Variants in FARP1 observed in about 807,000 individuals in gnomAD.
FARP1 encodes FERM, ARHGEF and pleckstrin domain-containing protein 1.
Under a neutral mutation model 128.8 loss-of-function variants are expected in FARP1, and 52 were observed. The ratio of observed to expected loss-of-function variants is 0.40; its 90% CI spans 0.32 to 0.51. FARP1 has a LOEUF of 0.51. Among genes scored for constraint, FARP1 ranks in the 20% least tolerant of loss-of-function variants. The pLI is 0.45. For synonymous variants in FARP1, 580 were observed against 551.8 expected (o/e 1.05, Z -0.72); for missense variants, 1,333 against 1,367.9 (o/e 0.97, Z 0.40).
chr13:98,287,208 C>CTTTTTTTT lies in FARP1; in HGVS notation c.172-56521_172-56514dup, dbSNP rs71111939. ...TTTCCAAATTAACCATCAGACATGTCTTTTTTTTTTTTTTTTTTTTTTTTT... is the reference window on the plus strand; with the variant it reads ...TTTCCAAATTAACCATCAGACATGTCTTTTTTTTTTTTTTTTTTTTTTTTTTTTTTTTT... On this transcript the variant is annotated intron_variant, in intron 2 of 26. Transcript: ENST00000319562. Among the ~76,000 whole-genome samples the CTTTTTTTT allele has an allele frequency of 1.2e-3, 92 of 75,834 alleles. 9 individuals are homozygous for CTTTTTTTT. The highest frequency in any genetic ancestry group is 1.7e-3 in the Non-Finnish European group (73 of 42,106). 49.8% of individuals were successfully genotyped at this position (75,834 alleles called of 152,430 possible).
chr13:98,268,867 C>T (rs560313045), intron 2 of FARP1, among the ~76,000 whole-genome samples: 10 of 151,480 alleles, frequency 6.6e-5, no homozygotes, highest in African/African-American at 1.5e-4. Flanking sequence ...CCACCACGCT[C>T]GGCTAATTTT....
chr13:98,266,820 T>G (rs1178108291), intron 2 of FARP1, among the ~76,000 whole-genome samples: 1 of 152,012 alleles, frequency 6.6e-6, no homozygotes, highest in Non-Finnish European at 1.5e-5. Context: ...GAGACCAGCC[T>G]GGCCAACATA....
At position 98,365,572 on chromosome 13, in the gene FARP1, G is replaced by A. The variant is rs777580305; in HGVS notation, c.319+135G>A. The A allele has an allele frequency of 4.4e-5, 25 of 565,414 alleles. 1 individual carries two copies. Among genetic ancestry groups the A allele is most frequent in the Non-Finnish European group, 6.9e-5 (22 of 317,344 alleles). The allele number at this position is 565,414 out of a possible 1,614,324, so 35.0% of individuals were successfully genotyped here. A position where few individuals can be genotyped will look rare whatever the true frequency, so the allele number is the denominator to read the frequency against. On this transcript the variant is annotated intron_variant, in intron 4 of 26. Coordinates refer to ENST00000319562, the MANE Select transcript of FARP1 (RefSeq NM_005766.4). ...TACCCCATAATTGCTTTTCATCATCGACTAATCCGTGTACTATTAAAATGT... is the reference window on the plus strand; with the variant it reads ...TACCCCATAATTGCTTTTCATCATCAACTAATCCGTGTACTATTAAAATGT...
At chr13:98,184,861 T>C (rs573965679) in intron 1 of FARP1, among the ~76,000 whole-genome samples, 1 of 152,358 alleles carries the variant, frequency 6.6e-6, no homozygotes, top group South Asian at 2.1e-4. Context: ...ATACATAATT[T>C]TATTGACAAG....
intron 2 of FARP1, among the ~76,000 whole-genome samples, chr13:98,234,911 A>G (rs569680643): frequency 6.6e-6 from 1 of 152,340 alleles, no homozygotes; most frequent in East Asian, 1.9e-4. Flanking sequence ...TCTCTTAGAA[A>G]CACTGGATTT....
intron 2 of FARP1, among the ~76,000 whole-genome samples, chr13:98,293,931 G>T (rs654337): frequency 0.89 from 135,549 of 152,220 alleles, 60,477 homozygotes; most frequent in East Asian, 1. Flanking sequence ...AGATGTTTTT[G>T]GGATTGTAAG....
intron 1 of FARP1, among the ~76,000 whole-genome samples, chr13:98,151,660 C>CTTTTTTTTTTTTTTTTT (rs34250002): frequency 0.016 from 1,096 of 69,212 alleles, 304 homozygotes; most frequent in Non-Finnish European, 0.02. Flanking sequence ...TATCTTCCAT[C>CTTTTTTTTTTTTTTTTT]TTTTTTTTTT....
chr13:98,443,841 A>G (rs923714886), intron 24 of FARP1, among the ~76,000 whole-genome samples: 10 of 7,894 alleles, frequency 1.3e-3, no homozygotes, highest in African/African-American at 1.7e-3. Context: ...CGCAGACAGG[A>G]CTGGGAGGAG....
intron 2 of FARP1, among the ~76,000 whole-genome samples, chr13:98,282,674 G>A (rs2139630541): frequency 6.6e-6 from 1 of 152,304 alleles, no homozygotes; most frequent in South Asian, 2.1e-4. Context: ...AGAGGCCGAG[G>A]CAGGCGGATC....
intron 16 of FARP1, among the ~76,000 whole-genome samples, chr13:98,422,414 G>A (rs911655856): frequency 2.0e-5 from 3 of 152,178 alleles, no homozygotes; most frequent in Admixed American, 6.5e-5. Context: ...GAGGACTGAG[G>A]ATGCTGTGTT....
intron 2 of FARP1, among the ~76,000 whole-genome samples, chr13:98,277,148 A>ACACACACACACCC (rs372627844): frequency 8.7e-5 from 12 of 138,580 alleles, no homozygotes; most frequent in South Asian, 6.9e-4. Flanking sequence ...ACACACACAC[A>ACACACACACACCC]CCCCATATGT....
chr13:98,365,257 A>T lies in FARP1; in HGVS notation c.277-138A>T, dbSNP rs1889036443. On this transcript the variant is annotated intron_variant, in intron 3 of 26. Transcript: ENST00000319562. The stretch of plus-strand genomic sequence containing the variant: ...AGTGGTAGACAACGTAAGATACGGC[A>T]TTCTGGAGAAAAATGGAACAGGCGG... The T allele has an allele frequency of 3.0e-5, 19 of 623,822 alleles. No individual in the cohort carries two copies. In the South Asian group the frequency reaches 4.5e-4, roughly 15 times the overall value. 38.6% of individuals were successfully genotyped at this position (623,822 alleles called of 1,614,324 possible).
chr13:98,254,921 A>G (rs1883511629), intron 2 of FARP1, among the ~76,000 whole-genome samples: 1 of 151,494 alleles, frequency 6.6e-6, no homozygotes, highest in Non-Finnish European at 1.5e-5. Flanking sequence ...TATTTACTAC[A>G]AGATCCTTTT....
Position 98,237,910 on chromosome 13 carries a change from G to A in FARP1, c.171+24497G>A, listed in dbSNP as rs6491410. Among the ~76,000 whole-genome samples the A allele has an allele frequency of 3.3e-5, 5 of 152,050 alleles. No individual in the cohort carries two copies. The South Asian group carries it at 8.3e-4, about 25-fold the overall frequency. On this transcript the variant is annotated intron_variant, in intron 2 of 26. Transcript: ENST00000319562. ...GGTCTGAAAACCTTGTGCTTTTTGCGAAATGCTGTTTTATCTTGTATTGAA... is the reference window on the plus strand; with the variant it reads ...GGTCTGAAAACCTTGTGCTTTTTGCAAAATGCTGTTTTATCTTGTATTGAA...
intron 1 of FARP1, among the ~76,000 whole-genome samples, chr13:98,209,387 G>A (rs1419460100): frequency 6.6e-6 from 1 of 151,682 alleles, no homozygotes; most frequent in African/African-American, 2.4e-5. Flanking sequence ...AGTGAGCCAC[G>A]TGTGGAGACC....
At chr13:98,429,266 G>C (rs1780492168) in intron 17 of FARP1, among the ~76,000 whole-genome samples, 1 of 152,184 alleles carries the variant, frequency 6.6e-6, no homozygotes, top group Non-Finnish European at 1.5e-5. Flanking sequence ...CCTCAGCAGG[G>C]GTCACTGTGT....
At chr13:98,214,097 TG>T (rs1400641113) in intron 2 of FARP1, among the ~76,000 whole-genome samples, 1 of 152,210 alleles carries the variant, frequency 6.6e-6, no homozygotes, top group Non-Finnish European at 1.5e-5. Context: ...CCTCAGCAGC[TG>T]GAGCCGTTGG....
At chr13:98,278,069 G>GTCAA (rs1277742853) in intron 2 of FARP1, among the ~76,000 whole-genome samples, 18 of 151,304 alleles carry the variant, frequency 1.2e-4, no homozygotes, top group South Asian at 2.1e-4. Context: ...GTTTTAAATG[G>GTCAA]AGCTTAAGGG....
In FARP1 at chr13:98,440,234, C is replaced by T. The variant is rs1237423207; in HGVS notation, c.2628C>T (p.Asn876=). Residue 876 remains asparagine, a splice_region_variant and synonymous_variant, in exon 23 of 27, where the codon AAC becomes AAT. Coordinates refer to ENST00000319562, the MANE Select transcript of FARP1 (RefSeq NM_005766.4). ...TCCTGGCCAGCAGCCCCCCTGACAA[C>T]AGTGAGTGTGGCCAGGGCAGCTTTC... ...PEFLASSPPD[N]KSPDEATAAD... The T allele has an allele frequency of 6.2e-7, 1 of 1,610,522 alleles. No individual in the cohort carries two copies. The highest frequency in any genetic ancestry group is 8.5e-7 in the Non-Finnish European group (1 of 1,176,920).
Sources: gnomAD v4.1 joint callset for allele counts (sites outside exome capture counted in the v4.1 genomes callset) on GRCh38, gnomAD v4.1.1 for gene constraint, MANE v1.5 for transcripts, NCBI Gene and HGNC (gene_info 2026-07-23, HGNC 2026-07-21) for gene names.